CHD7: variants seen among roughly 807,000 people sequenced by gnomAD.
CHD7 encodes chromodomain helicase DNA binding protein 7.
A neutral mutation model predicts 307.3 loss-of-function variants in CHD7; 24 were observed. The observed-to-expected ratio is 0.08, with a 90% confidence interval of 0.06 to 0.11. The LOEUF is 0.11. Among genes scored for constraint, CHD7 ranks in the 10% least tolerant of loss-of-function variants. The probability of loss-of-function intolerance (pLI) is 1.00; values close to 1 mark genes in which losing one functional copy is unlikely to be tolerated. For missense variants in CHD7, 3,106 were observed against 3,727.1 expected (o/e 0.83, Z 4.34); for synonymous variants, 1,363 against 1,349.9 (o/e 1.01, Z -0.21).
chr8:60,857,363 T>G (rs548308089), intron 34 of CHD7, among the ~76,000 whole-genome samples: 1 of 152,374 alleles, frequency 6.6e-6, no homozygotes, highest in South Asian at 2.1e-4. Context: ...TTTGCTAGAA[T>G]AGGTTTGAAT....
chr8:60,847,379 T>A (rs1047087068), intron 23 of CHD7, among the ~76,000 whole-genome samples: 7 of 152,210 alleles, frequency 4.6e-5, no homozygotes, highest in African/African-American at 1.4e-4. Flanking sequence ...AACTCTGGCC[T>A]TAGATTTGTC....
At chr8:60,727,966 G>A (rs1339902307) in intron 1 of CHD7, among the ~76,000 whole-genome samples, 2 of 152,168 alleles carry the variant, frequency 1.3e-5, no homozygotes, top group African/African-American at 4.8e-5. Context: ...CCAGAAACAA[G>A]TCTCTCTCTT....
At chr8:60,695,977 A>G (rs1007454222) in intron 1 of CHD7, among the ~76,000 whole-genome samples, 2 of 152,174 alleles carry the variant, frequency 1.3e-5, no homozygotes, top group African/African-American at 4.8e-5. Flanking sequence ...CATCTATCCC[A>G]AGGAAAAATC....
chr8:60,843,887 T>C (rs998625209), intron 21 of CHD7, among the ~76,000 whole-genome samples: 1 of 152,134 alleles, frequency 6.6e-6, no homozygotes, highest in African/African-American at 2.4e-5. Context: ...AGCCCTGTGG[T>C]TGGAGAAACT....
chr8:60,680,118 G>A (rs1242087357), intron 1 of CHD7, among the ~76,000 whole-genome samples: 1 of 151,568 alleles, frequency 6.6e-6, no homozygotes, highest in Non-Finnish European at 1.5e-5. Flanking sequence ...CCAACCCGCC[G>A]GGGGTCAGCG....
chr8:60,846,111 A>T (rs1301233792), intron 23 of CHD7, among the ~76,000 whole-genome samples: 4 of 152,164 alleles, frequency 2.6e-5, no homozygotes, highest in Non-Finnish European at 5.9e-5. Flanking sequence ...TCATCTGTTG[A>T]CGGACACTTG....
intron 1 of CHD7, among the ~76,000 whole-genome samples, chr8:60,697,528 G>A (rs1030314728): frequency 3.3e-5 from 5 of 152,114 alleles, no homozygotes; most frequent in African/African-American, 1.2e-4. Context: ...CATAAGACTT[G>A]AAAACCATAG....
At chr8:60,709,396 A>T (rs1202617221) in intron 1 of CHD7, among the ~76,000 whole-genome samples, 1 of 152,210 alleles carries the variant, frequency 6.6e-6, no homozygotes, top group Non-Finnish European at 1.5e-5. Flanking sequence ...GTATTCCTGT[A>T]GCAGCCAGCA....
At chr8:60,791,884 C>T (rs980967657) in intron 3 of CHD7, among the ~76,000 whole-genome samples, 1 of 152,168 alleles carries the variant, frequency 6.6e-6, no homozygotes, top group Non-Finnish European at 1.5e-5. Context: ...TGGATGAAGT[C>T]ATCCTCAGTG....
intron 8 of CHD7, among the ~76,000 whole-genome samples, chr8:60,818,141 GC>G (rs1228656062): frequency 3.0e-4 from 46 of 152,116 alleles, no homozygotes; most frequent in Non-Finnish European, 3.5e-4. Flanking sequence ...AAGTGCACAC[GC>G]CCCCGTTTGT....
rs573250947 is a variant in CHD7, at chr8:60,804,616, C to T, written c.2442+3023C>T. 8.5e-5 allele frequency among the ~76,000 whole-genome samples: 13 copies of T among 152,314 alleles called. No individual in the cohort carries two copies. The South Asian group carries it at 1.0e-3, about 12-fold the overall frequency. On this transcript the variant is annotated intron_variant, in intron 6 of 37. Coordinates refer to ENST00000423902, the MANE Select transcript of CHD7 (RefSeq NM_017780.4). ...AAAAGTGAAAAGGGATTCATACCCA[C>T]GCCTTATTGATAACTTTATTGAGGT...
chr8:60,800,079 G>C, intron 4 of CHD7, among the ~76,000 whole-genome samples: 1 of 151,178 alleles, frequency 6.6e-6, no homozygotes, highest in African/African-American at 2.4e-5. Context: ...CGTCCAGACT[G>C]CAGTGCAGTG....
chr8:60,820,626 AG>A (rs1803982562), intron 9 of CHD7, among the ~76,000 whole-genome samples: 1 of 152,230 alleles, frequency 6.6e-6, no homozygotes, highest in Admixed American at 6.5e-5. Context: ...GTAAGAATGA[AG>A]ACAAGTGTAG....
rs1300352206 is a variant in CHD7 at position 60,854,394 on chromosome 8, T to C, written c.6807T>C (p.Asp2269=). The C allele has an allele frequency of 1.9e-6, 3 of 1,613,688 alleles. No homozygotes were observed. In the Admixed American group the frequency reaches 5.0e-5, roughly 27 times the overall value. The change falls in exon 32 of 38, where the codon GAT becomes GAC. Residue 2269 remains aspartate (D), a synonymous_variant. Transcript: ENST00000423902. ...CTGTCTCTAGAGGGAAGAATTTTGA[T>C]GAAGAAAGCAATGCTTCCATGAGCA... ...AGAVSRGKNF[D]EESNASMSTA...
chr8:60,815,098 A>T (rs1803663210), intron 7 of CHD7, among the ~76,000 whole-genome samples: 2 of 152,180 alleles, frequency 1.3e-5, no homozygotes, highest in Admixed American at 6.5e-5. Flanking sequence ...TACAGCATTT[A>T]TATCAGTTCA....
chr8:60,764,491 T>A (rs1041911786), intron 2 of CHD7, among the ~76,000 whole-genome samples: 1 of 152,210 alleles, frequency 6.6e-6, no homozygotes, highest in Non-Finnish European at 1.5e-5. Flanking sequence ...GCAGTACTTT[T>A]GTTTGGCAGT....
At chr8:60,683,039 C>G (rs551101478) in intron 1 of CHD7, among the ~76,000 whole-genome samples, 1 of 152,222 alleles carries the variant, frequency 6.6e-6, no homozygotes, top group African/African-American at 2.4e-5. Flanking sequence ...CTCTGTGGGA[C>G]CCTTTCAATT....
intron 8 of CHD7, among the ~76,000 whole-genome samples, chr8:60,817,252 G>T (rs1803792671): frequency 6.6e-6 from 1 of 152,216 alleles, no homozygotes; most frequent in African/African-American, 2.4e-5. Flanking sequence ...TGATTTATTA[G>T]TTCCTCTTTT....
intron 1 of CHD7, among the ~76,000 whole-genome samples, chr8:60,699,767 C>G (rs1200490191): frequency 6.6e-6 from 1 of 152,158 alleles, no homozygotes; most frequent in Non-Finnish European, 1.5e-5. Flanking sequence ...ATTCTGCTCT[C>G]ACCTGCATAA....
Sources: gnomAD v4.1 joint callset for allele counts (sites outside exome capture counted in the v4.1 genomes callset) on GRCh38, gnomAD v4.1.1 for gene constraint, MANE v1.5 for transcripts, NCBI Gene and HGNC (gene_info 2026-07-23, HGNC 2026-07-21) for gene names.